NRG1: variants seen among roughly 807,000 people sequenced by gnomAD.
NRG1 encodes pro-neuregulin-1, membrane-bound isoform.
A neutral mutation model predicts 63.8 loss-of-function variants in NRG1; 18 were observed. The observed-to-expected ratio is 0.28, with a 90% CI of 0.19 to 0.42. The LOEUF (loss-of-function observed/expected upper bound fraction) is 0.42. NRG1 is among the 10% of genes least tolerant of loss of function. NRG1 has a pLI of 1.00. For missense variants in NRG1, 762 were observed against 814.7 expected, an observed-to-expected ratio of 0.94 and a Z score of 0.79; for synonymous variants, 302 against 301.3, an observed-to-expected ratio of 1.00 and a Z score of -0.02.
intron 1 of NRG1, among the ~76,000 whole-genome samples, chr8:31,864,716 G>A (rs953277826): frequency 6.6e-6 from 1 of 152,190 alleles, no homozygotes; most frequent in Non-Finnish European, 1.5e-5. Context: ...AGAACAGTGA[G>A]AGCACTGAAA....
chr8:32,344,214 C>T (rs1023983871), intron 1 of NRG1, among the ~76,000 whole-genome samples: 1 of 152,148 alleles, frequency 6.6e-6, no homozygotes, highest in Admixed American at 6.5e-5. Context: ...CTGGGTTCTT[C>T]GAAATGGCAA....
At chr8:31,688,455 G>A (rs1186721539) in intron 1 of NRG1, among the ~76,000 whole-genome samples, 1 of 152,142 alleles carries the variant, frequency 6.6e-6, no homozygotes, top group Non-Finnish European at 1.5e-5. Flanking sequence ...AGAGCCATGA[G>A]AATTGAATTT....
At chr8:32,510,959 T>TC (rs922321678) in intron 1 of NRG1, among the ~76,000 whole-genome samples, 6 of 150,010 alleles carry the variant, frequency 4.0e-5, no homozygotes, top group African/African-American at 1.5e-4. Flanking sequence ...TCTTTCCTTT[T>TC]TTTTTTTTTT....
intron 5 of NRG1, among the ~76,000 whole-genome samples, chr8:32,658,212 G>A (rs1193680787): frequency 6.6e-6 from 1 of 152,078 alleles, no homozygotes; most frequent in Non-Finnish European, 1.5e-5. Flanking sequence ...ATCAATACAA[G>A]GATTCTCAAA....
chr8:32,295,383 A>C (rs1490823736), intron 1 of NRG1, among the ~76,000 whole-genome samples: 1 of 152,170 alleles, frequency 6.6e-6, no homozygotes, highest in African/African-American at 2.4e-5. Context: ...AGAGATTCTG[A>C]TGAAACTGAA....
At chr8:32,015,285 A>C (rs1206087315) in intron 1 of NRG1, among the ~76,000 whole-genome samples, 1 of 152,210 alleles carries the variant, frequency 6.6e-6, no homozygotes, top group Non-Finnish European at 1.5e-5. Context: ...GTGTATACGA[A>C]TATAAACAGA....
At position 32,490,246 on chromosome 8, in the gene NRG1, A is replaced by G. The variant is rs149934896; in HGVS notation, c.38-105582A>G. 4.2e-3 allele frequency among the ~76,000 whole-genome samples: 632 copies of G among 152,074 alleles called. 3 individuals carry two copies. Among genetic ancestry groups the G allele is most frequent in the African/African-American group, 0.015 (602 of 41,492 alleles). ...CTTGAACCCAGGAGTTCAAGGCTGC[A>G]GTGAACTGATATCGCGCCACTGCAC... is the stretch of plus-strand genomic sequence containing the variant. On this transcript the variant is annotated intron_variant, in intron 1 of 10. Coordinates refer to the NRG1 transcript ENST00000519301.
At chr8:31,647,934 C>A (rs1278670929) in intron 1 of NRG1, among the ~76,000 whole-genome samples, 1 of 152,004 alleles carries the variant, frequency 6.6e-6, no homozygotes, top group East Asian at 1.9e-4. Flanking sequence ...ACCATTTTAA[C>A]CATTTTTAGG....
At chr8:31,926,810 GTCTT>G (rs1355237786) in intron 1 of NRG1, among the ~76,000 whole-genome samples, 1 of 152,054 alleles carries the variant, frequency 6.6e-6, no homozygotes, top group Non-Finnish European at 1.5e-5. Context: ...CATCTTTGGT[GTCTT>G]TCTATGTGGC....
chr8:32,491,967 G>A (rs1404118014), intron 1 of NRG1, among the ~76,000 whole-genome samples: 2 of 152,134 alleles, frequency 1.3e-5, no homozygotes, highest in East Asian at 1.9e-4. Context: ...TATTGAAAAT[G>A]TCAAGTCAAA....
intron 1 of NRG1, among the ~76,000 whole-genome samples, chr8:32,404,271 G>A (rs540164945): frequency 6.6e-6 from 1 of 152,146 alleles, no homozygotes; most frequent in Non-Finnish European, 1.5e-5. Flanking sequence ...AAGGGGCGGG[G>A]GTAATGACAA....
intron 2 of NRG1, 148 bp from the exon 3 acceptor site, chr8:32,605,414 C>G (rs976535570): frequency 1.2e-6 from 1 of 804,316 alleles, no homozygotes; most frequent in Non-Finnish European, 2.0e-6. Context: ...ATCATGAGGT[C>G]AGATCAATGT....
chr8:32,716,281 C>A (rs1187465492), intron 5 of NRG1, among the ~76,000 whole-genome samples: 1 of 152,168 alleles, frequency 6.6e-6, no homozygotes, highest in African/African-American at 2.4e-5. Context: ...TGGCAAATCT[C>A]AACTGAAGAC....
intron 5 of NRG1, among the ~76,000 whole-genome samples, chr8:32,685,316 GCCT>G (rs1300757978): frequency 6.6e-6 from 1 of 152,236 alleles, no homozygotes; most frequent in African/African-American, 2.4e-5. Flanking sequence ...GCGTGGTGGG[GCCT>G]CAATTTATTC....
chr8:32,136,027 A>G (rs1835473006), intron 1 of NRG1, among the ~76,000 whole-genome samples: 1 of 152,152 alleles, frequency 6.6e-6, no homozygotes, highest in Admixed American at 6.5e-5. Flanking sequence ...CACAGTGCAG[A>G]TGAGGGTGGT....
chr8:31,952,387 T>A (rs452124), intron 1 of NRG1, among the ~76,000 whole-genome samples: 136,911 of 152,266 alleles, frequency 0.9, 62,343 homozygotes, highest in African/African-American at 0.97. Flanking sequence ...CCAAGAAGGC[T>A]TCAGAGAAGA....
At chr8:32,286,327 C>G (rs1039660468) in intron 1 of NRG1, among the ~76,000 whole-genome samples, 10 of 152,210 alleles carry the variant, frequency 6.6e-5, no homozygotes, top group African/African-American at 2.4e-4. Flanking sequence ...GGGCTCTTTC[C>G]TGCTGCGGAA....
intron 4 of NRG1, among the ~76,000 whole-genome samples, chr8:32,614,782 A>G (rs560510263): frequency 6.6e-6 from 1 of 152,252 alleles, no homozygotes; most frequent in African/African-American, 2.4e-5. Context: ...AGAAACATAC[A>G]TGAGTGAAAG....
chr8:32,371,922 A>G (rs541927819), intron 1 of NRG1, among the ~76,000 whole-genome samples: 101 of 151,976 alleles, frequency 6.6e-4, no homozygotes, highest in Middle Eastern at 6.8e-3. Flanking sequence ...CTTGTAGCTG[A>G]ACGCAATGAA....
Sources: allele counts gnomAD v4.1 joint callset (sites outside exome capture counted in the v4.1 genomes callset), GRCh38; gene constraint gnomAD v4.1.1; transcripts MANE v1.5; gene names NCBI Gene and HGNC (gene_info 2026-07-23, HGNC 2026-07-21).